The following CDC14A variants were observed in gnomAD, a reference collection of about 807,000 sequenced individuals.
CDC14A encodes the protein dual specificity protein phosphatase CDC14A.
A neutral mutation model predicts 74.4 loss-of-function variants in CDC14A; 53 were observed. That is an observed-to-expected ratio of 0.71 (90% CI 0.57 to 0.89). CDC14A has a LOEUF of 0.89. Ranked by LOEUF, CDC14A falls within the 40% of genes least tolerant of loss-of-function variation. The probability of loss-of-function intolerance (pLI) is 0.00; values close to 1 mark genes in which losing one functional copy is unlikely to be tolerated. For missense variants in CDC14A, 646 were observed against 713.7 expected (o/e 0.91, Z 1.08); for synonymous variants, 247 against 258.4 (o/e 0.96, Z 0.43).
At chr1:100,478,684 G>T (rs943790747) in intron 10 of CDC14A, among the ~76,000 whole-genome samples, 2 of 152,172 alleles carry the variant, frequency 1.3e-5, no homozygotes, top group African/African-American at 4.8e-5. Flanking sequence ...CATTTTGAAT[G>T]AGGTTATCTT....
At chr1:100,369,551 G>T (rs1017068151) in intron 2 of CDC14A, among the ~76,000 whole-genome samples, 8 of 152,228 alleles carry the variant, frequency 5.3e-5, no homozygotes, top group African/African-American at 1.9e-4. Flanking sequence ...GTCTGTTCAT[G>T]TCTTTTGCTC....
chr1:100,353,731 G>GT, intron 1 of CDC14A, 31 bp from the exon 2 acceptor site: 1 of 1,222,836 alleles, frequency 8.2e-7, no homozygotes, highest in Non-Finnish European at 1.2e-6. Flanking sequence ...CTTCTCATAT[G>GT]TTTTTTCTGT....
At chr1:100,428,725 G>A (rs1234286852) in intron 5 of CDC14A, among the ~76,000 whole-genome samples, 2 of 152,144 alleles carry the variant, frequency 1.3e-5, no homozygotes, top group Non-Finnish European at 2.9e-5. Flanking sequence ...CAGTATTTGT[G>A]AAAATTTAAA....
At chr1:100,506,963 G>A (rs1386396610) in intron 15 of CDC14A, among the ~76,000 whole-genome samples, 1 of 152,204 alleles carries the variant, frequency 6.6e-6, no homozygotes, top group Non-Finnish European at 1.5e-5. Context: ...ATCACTTGAG[G>A]TCAGGAGTTT....
At chr1:100,373,977 C>T (rs1436762263) in intron 2 of CDC14A, among the ~76,000 whole-genome samples, 1 of 152,048 alleles carries the variant, frequency 6.6e-6, no homozygotes, top group Non-Finnish European at 1.5e-5. Context: ...ACAACAGTCC[C>T]CAGAGTGTGA....
At chr1:100,428,781 C>T (rs1011180697) in intron 5 of CDC14A, among the ~76,000 whole-genome samples, 3 of 152,112 alleles carry the variant, frequency 2.0e-5, no homozygotes, top group African/African-American at 7.2e-5. Flanking sequence ...TTGTACAATT[C>T]TTATTTAAGA....
intron 1 of CDC14A, chr1:100,345,358 GC>G (rs1222193912): frequency 1.3e-5 from 2 of 151,976 alleles, no homozygotes; most frequent in African/African-American, 2.4e-5. Flanking sequence ...TAAATGCTAG[GC>G]TGTATTTGTA....
intron 2 of CDC14A, among the ~76,000 whole-genome samples, chr1:100,361,039 C>T (rs1652682700): frequency 6.6e-6 from 1 of 151,592 alleles, no homozygotes; most frequent in South Asian, 2.1e-4. Context: ...TTCATAAACA[C>T]ATTCCCAAGC....
At chr1:100,474,602 G>A (rs1378152587) in intron 10 of CDC14A, among the ~76,000 whole-genome samples, 1 of 91,778 alleles carries the variant, frequency 1.1e-5, no homozygotes, top group Non-Finnish European at 2.3e-5. Flanking sequence ...TTATGTTTGT[G>A]GAGTGTGTTT....
intron 10 of CDC14A, 60 bp downstream of exon 10, chr1:100,468,154 T>C: frequency 6.3e-7 from 1 of 1,586,138 alleles, no homozygotes; most frequent in Non-Finnish European, 8.6e-7. Context: ...CTACCTCTTG[T>C]TCCCCTGGTT....
intron 2 of CDC14A, among the ~76,000 whole-genome samples, chr1:100,372,173 G>A (rs1188938782): frequency 1.3e-5 from 2 of 152,214 alleles, no homozygotes; most frequent in East Asian, 3.8e-4. Flanking sequence ...GATCATCTGA[G>A]CCTTTAGCAA....
At chr1:100,437,327 CG>C (rs1664459063) in intron 5 of CDC14A, among the ~76,000 whole-genome samples, 1 of 152,154 alleles carries the variant, frequency 6.6e-6, no homozygotes, top group Non-Finnish European at 1.5e-5. Context: ...CCTGTGACTA[CG>C]TATGAGCCAC....
Position 100,365,980 on chromosome 1 carries a change from T to C in CDC14A, c.141-11566T>C, listed in dbSNP as rs1653543100. 5.8e-5 allele frequency among the ~76,000 whole-genome samples: 7 copies of C among 120,388 alleles called. No individual in the cohort carries two copies. The South Asian group carries it at 1.6e-3, about 28-fold the overall frequency. The allele number at this position is 120,388 out of a possible 152,430, so 79.0% of individuals were successfully genotyped here. A position where few individuals can be genotyped will look rare whatever the true frequency, so the allele number is the denominator to read the frequency against. ...CACACACACACACACACACACACGG[T>C]CTCATTGTGTTTTGGAGGATACTGC... On this transcript the variant is annotated intron_variant, in intron 2 of 15. Coordinates refer to ENST00000336454, the MANE Select transcript of CDC14A (RefSeq NM_003672.4).
At chr1:100,403,529 CTG>C (rs1301486109) in intron 4 of CDC14A, among the ~76,000 whole-genome samples, 2 of 152,222 alleles carry the variant, frequency 1.3e-5, no homozygotes, top group African/African-American at 4.8e-5. Flanking sequence ...TTAAGGAAAA[CTG>C]AAAGTATTCT....
intron 2 of CDC14A, among the ~76,000 whole-genome samples, chr1:100,358,148 C>T (rs1420587940): frequency 6.6e-6 from 1 of 152,156 alleles, no homozygotes; most frequent in Non-Finnish European, 1.5e-5. Flanking sequence ...TATAGGCTAA[C>T]ACACTAGTGG....
chr1:100,358,994 A>G (rs1652308277), intron 2 of CDC14A, among the ~76,000 whole-genome samples: 1 of 152,238 alleles, frequency 6.6e-6, no homozygotes, highest in African/African-American at 2.4e-5. Context: ...ACTTAAGCAT[A>G]TACACACATA....
intron 7 of CDC14A, among the ~76,000 whole-genome samples, chr1:100,447,833 G>C (rs1211839321): frequency 6.6e-6 from 1 of 152,096 alleles, no homozygotes; most frequent in Non-Finnish European, 1.5e-5. Context: ...TGTTTTTTTG[G>C]GGGGTAGCTG....
chr1:100,511,111 T>G (rs1039012512), intron 15 of CDC14A, among the ~76,000 whole-genome samples: 5 of 152,246 alleles, frequency 3.3e-5, no homozygotes, highest in African/African-American at 1.2e-4. Context: ...GAATCTTTCA[T>G]GAAGTTGCCC....
At chr1:100,461,290 G>T (rs982292583) in intron 8 of CDC14A, among the ~76,000 whole-genome samples, 1 of 152,180 alleles carries the variant, frequency 6.6e-6, no homozygotes, top group Non-Finnish European at 1.5e-5. Flanking sequence ...GGTAGTCTGG[G>T]AAATGTAGGG....
Sources: allele counts gnomAD v4.1 joint callset (sites outside exome capture counted in the v4.1 genomes callset), GRCh38; gene constraint gnomAD v4.1.1; transcripts MANE v1.5; gene names NCBI Gene and HGNC (gene_info 2026-07-23, HGNC 2026-07-21).